The following VARS2 variants were observed in gnomAD, a reference collection of about 807,000 sequenced individuals.
The protein encoded by VARS2 is valyl-tRNA synthetase 2, mitochondrial, also known as valine--tRNA ligase, mitochondrial.
VARS2 carries 105 observed loss-of-function variants against 154.1 expected under a neutral mutation model. The observed-to-expected ratio is 0.68, with a 90% CI of 0.58 to 0.80. The LOEUF is 0.80. Among genes scored for constraint, VARS2 ranks in the 30% least tolerant of loss-of-function variants. The pLI, the probability that VARS2 is intolerant of heterozygous loss-of-function variation, is 0.00. For missense variants in VARS2, 1,157 were observed against 1,361.4 expected (o/e 0.85, Z 2.36); for synonymous variants, 483 against 539.5 (o/e 0.90, Z 1.45).
Position 30,922,754 on chromosome 6 carries a change from G to A in VARS2, c.2086G>A (p.Ala696Thr). Residue 696 changes from alanine (A) to threonine (T), a missense_variant, in exon 22 of 30, where the codon GCC becomes ACC. Ala to Thr is a moderately conservative substitution (Grantham distance 58). Transcript: ENST00000676266. ...RSGNLDPAEL[A>T]IVAAAQKKDF... is the part of the protein sequence containing the mutation. ...CGGAAATTTGGACCCTGCAGAGCTGGCCATTGTGGCTGCAGCACAGGTGAG... is the reference window on the plus strand; with the variant it reads ...CGGAAATTTGGACCCTGCAGAGCTGACCATTGTGGCTGCAGCACAGGTGAG... 6.2e-7 allele frequency: 1 copy of A among 1,612,176 alleles called. No homozygotes were observed. Among genetic ancestry groups the A allele is most frequent in the Non-Finnish European group, 8.5e-7 (1 of 1,179,482 alleles).
chr6:30,925,506 A>T, intron 27 of VARS2, 38 bp from the exon 28 acceptor site: 2 of 1,557,736 alleles, frequency 1.3e-6, no homozygotes, highest in Non-Finnish European at 8.7e-7. Flanking sequence ...GGGAGGCAGG[A>T]GCTGAGGCCT....
intron 25 of VARS2, 30 bp from the exon 26 acceptor site, chr6:30,924,324 C>G: frequency 6.2e-7 from 1 of 1,609,354 alleles, no homozygotes; most frequent in Non-Finnish European, 8.5e-7. Flanking sequence ...GGCCCTGGAC[C>G]TGTCCTCTGA....
intron 29 of VARS2, 25 bp from the exon 30 acceptor site, chr6:30,926,084 C>G: frequency 6.2e-7 from 1 of 1,613,054 alleles, no homozygotes; most frequent in Non-Finnish European, 8.5e-7. Context: ...TTCCTGGATC[C>G]TCACCTCCTT....
Position 30,921,376 on chromosome 6 carries a change from A to G in VARS2, c.1632+71A>G. Reference sequence around the variant, plus strand: ...CCTAGCCCAGGAGTCAGAGCTCCGCAGGGCCAAGTCCCGCTCCTGCCTGGT... The same window carrying G: ...CCTAGCCCAGGAGTCAGAGCTCCGCGGGGCCAAGTCCCGCTCCTGCCTGGT... On this transcript the variant is annotated intron_variant, in intron 17 of 29. Transcript: ENST00000676266. This position sits in a 1 kb window ranked among gnomAD's most constrained non-coding sequence, Gnocchi z 4.6. The G allele has an allele frequency of 6.3e-7, 1 of 1,583,570 alleles. No homozygotes were observed. Among genetic ancestry groups the G allele is most frequent in the Non-Finnish European group, 8.7e-7 (1 of 1,154,426 alleles).
At position 30,915,003 on chromosome 6, in the gene VARS2, C is replaced by T; in HGVS notation, c.167C>T (p.Ala56Val). The T allele has an allele frequency of 6.2e-7, 1 of 1,613,516 alleles. No homozygotes were observed. The change falls in exon 2 of 30, where the codon GCG becomes GTG. Residue 56 changes from alanine to valine, a missense_variant. Physicochemically the swap from Ala to Val is moderately conservative, Grantham distance 64. Coordinates refer to ENST00000676266, the MANE Select transcript of VARS2 (RefSeq NM_020442.6). ...CAGAAGCGCCTGCGAGAGAAGCAGG[C>T]GACTCTGGAGGCTGAGATAGCAGGG... ...AKQKRLREKQ[A>V]TLEAEIAGES...
In VARS2 at chr6:30,915,412, A is replaced by T. The variant is rs1267698090; in HGVS notation, c.341A>T (p.Tyr114Phe). Residue 114 changes from tyrosine (Y) to phenylalanine (F), a missense_variant, in exon 4 of 30, where the codon TAC becomes TTC. Transcript: ENST00000676266. Reference sequence around the variant, plus strand: ...CCCCGATATGTTGAGGCTGCCTGGTACCCGTGGTGGGTACGAGAGGGCTTC... The same window carrying T: ...CCCCGATATGTTGAGGCTGCCTGGTTCCCGTGGTGGGTACGAGAGGGCTTC... Reference protein sequence around the residue: ...YSPRYVEAAWYPWWVREGFFK... With the variant: ...YSPRYVEAAWFPWWVREGFFK... 6.2e-7 allele frequency: 1 copy of T among 1,614,140 alleles called. No homozygotes were observed. The highest frequency in any genetic ancestry group is 1.7e-5 in the Admixed American group (1 of 60,020).
In VARS2 at chr6:30,925,703, T is replaced by A. The variant is rs1210796992; in HGVS notation, c.2945T>A (p.Val982Asp). ...GCTCCACTCAGTGACACGGCTCAAG[T>A]CTACATGGAGCTGCAGGTGACCAGA... ...AQAPLSDTAQ[V>D]YMELQGLVDP... is the part of the protein sequence containing the mutation. The change falls in exon 28 of 30, where the codon GTC becomes GAC. Residue 982 changes from valine to aspartate, a missense_variant. Physicochemically the swap from Val to Asp is radical, Grantham distance 152. Coordinates refer to ENST00000676266, the MANE Select transcript of VARS2 (RefSeq NM_020442.6). The A allele has an allele frequency of 1.9e-6, 3 of 1,610,956 alleles. No homozygotes were observed. Among genetic ancestry groups the A allele is most frequent in the East Asian group, 4.5e-5 (2 of 44,842 alleles).
chr6:30,917,165 C>A lies in VARS2; in HGVS notation c.814C>A (p.Arg272=), dbSNP rs201492601. 2 of 1,614,158 alleles carry A rather than the reference C, an allele frequency of 1.2e-6. No individual in the cohort carries two copies. Residue 272 remains arginine (R), a synonymous_variant, in exon 9 of 30, where the codon CGG becomes AGG. Coordinates refer to ENST00000676266, the MANE Select transcript of VARS2 (RefSeq NM_020442.6). This position sits in a 1 kb window ranked among gnomAD's most constrained non-coding sequence, Gnocchi z 4.4. Reference sequence around the variant, plus strand: ...GCTCTACAAGGCGGGGTTGCTGTACCGGAACCATCAGCTTGTCAACTGGTC... The same window carrying A: ...GCTCTACAAGGCGGGGTTGCTGTACAGGAACCATCAGCTTGTCAACTGGTC... ...VRLYKAGLLY[R]NHQLVNWSCA...
chr6:30,919,746 C>T lies in VARS2; in HGVS notation c.1075-12C>T. ...CAGGTGCCTGTCCTTGATCCCTCTC[C>T]CTTCCCTTCAGCATCTACACGGGCG... is the stretch of plus-strand genomic sequence containing the variant. On this transcript the variant is annotated splice_polypyrimidine_tract_variant and intron_variant, in intron 11 of 29. Coordinates refer to ENST00000676266, the MANE Select transcript of VARS2 (RefSeq NM_020442.6). This position sits in a 1 kb window ranked among gnomAD's most constrained non-coding sequence, Gnocchi z 4.5. 1 of 1,551,472 alleles carries T rather than the reference C, an allele frequency of 6.4e-7. No individual in the cohort carries two copies. The highest frequency in any genetic ancestry group is 8.7e-7 in the Non-Finnish European group (1 of 1,143,984).
At chr6:30,923,587 G>A in intron 25 of VARS2, 82 bp downstream of exon 25, 5 of 1,537,302 alleles carry the variant, frequency 3.3e-6, no homozygotes, top group Middle Eastern at 1.7e-4. Context: ...GAGCTCTGGA[G>A]TTAATAAGTT....
rs1040088392 is a variant in VARS2 at position 30,925,198 on chromosome 6, G to A, written c.2674-76G>A. The A allele has an allele frequency of 2.2e-5, 24 of 1,115,942 alleles. No homozygotes were observed. In the African/African-American group the frequency reaches 2.8e-4, roughly 13 times the overall value. 69.1% of individuals were successfully genotyped at this position (1,115,942 alleles called of 1,614,324 possible). ...CCTAAGGAGATGGGGTGGATGGGTC[G>A]AGAAGAGAGCCAGCAGGGTTGGTAC... is the stretch of plus-strand genomic sequence containing the variant. On this transcript the variant is annotated intron_variant, in intron 26 of 29. Transcript: ENST00000676266.
chr6:30,922,806 C>G (rs1450898567), intron 22 of VARS2, 32 bp downstream of exon 22: 2 of 1,593,762 alleles, frequency 1.3e-6, no homozygotes. Flanking sequence ...CCCACCAGCT[C>G]TAGCTCACCA....
chr6:30,915,132 G>A (rs981416970), intron 2 of VARS2, 24 bp from the exon 3 acceptor site: 1 of 1,613,454 alleles, frequency 6.2e-7, no homozygotes, highest in Non-Finnish European at 8.5e-7. Flanking sequence ...CTGGATCCCA[G>A]CCTCTTCTGC....
chr6:30,916,489 T>G lies in VARS2; in HGVS notation c.671+240T>G. The stretch of plus-strand genomic sequence containing the variant: ...GTGTGTGTGTGTGTATTTATATATA[T>G]ATATATATTTTCTTTCTCTTTACTT... On this transcript the variant is annotated intron_variant, in intron 7 of 29. Transcript: ENST00000676266. This position sits in a 1 kb window ranked among gnomAD's most constrained non-coding sequence, Gnocchi z 4.0. The G allele has an allele frequency of 3.1e-6, 1 of 319,114 alleles. No homozygotes were observed. The highest frequency in any genetic ancestry group is 5.5e-6 in the Non-Finnish European group (1 of 182,432). 19.8% of individuals were successfully genotyped at this position (319,114 alleles called of 1,614,324 possible).
chr6:30,917,869 T>C lies in VARS2; in HGVS notation c.985+63T>C. The C allele has an allele frequency of 6.1e-6, 9 of 1,486,494 alleles. No homozygotes were observed. The highest frequency in any genetic ancestry group is 8.3e-6 in the Non-Finnish European group (9 of 1,088,826). The allele number at this position is 1,486,494 out of a possible 1,614,324, so 92.1% of individuals were successfully genotyped here. A position where few individuals can be genotyped will look rare whatever the true frequency, so the allele number is the denominator to read the frequency against. On this transcript the variant is annotated intron_variant, in intron 10 of 29. Coordinates refer to ENST00000676266, the MANE Select transcript of VARS2 (RefSeq NM_020442.6). This position sits in a 1 kb window ranked among gnomAD's most constrained non-coding sequence, Gnocchi z 4.4. ...CATTTTTCCTGTTTTCTGAAGCCCA[T>C]GTTGGGCTGCTAGGAACCCATCAGT...
rs1289530120 is a variant in VARS2, at chr6:30,917,328, T to C, written c.873+104T>C. 1.3e-6 allele frequency: 2 copies of C among 1,566,146 alleles called. No homozygotes were observed. Among genetic ancestry groups the C allele is most frequent in the Non-Finnish European group, 1.8e-6 (2 of 1,141,806 alleles). On this transcript the variant is annotated intron_variant, in intron 9 of 29. Coordinates refer to ENST00000676266, the MANE Select transcript of VARS2 (RefSeq NM_020442.6). The surrounding 1 kb of genome is among the most constrained non-coding windows in gnomAD (Gnocchi z 4.4). ...CCAGGGTGCCTGGATTCAAATCTGA[T>C]GCCTGCCTGTTACAGCTGTGTGGCT...
At position 30,919,159 on chromosome 6, in the gene VARS2, C is replaced by A; in HGVS notation, c.1074+244C>A. 2.2e-6 allele frequency: 1 copy of A among 461,806 alleles called. No individual in the cohort carries two copies. Among genetic ancestry groups the A allele is most frequent in the Non-Finnish European group, 3.9e-6 (1 of 254,400 alleles). The allele number at this position is 461,806 out of a possible 1,614,324, so 28.6% of individuals were successfully genotyped here. ...TTTGAGACAGAGTCTCGCTCTGTCACCAAGGCTGGAGGGCAGTGGTGTGAT... is the reference window on the plus strand; with the variant it reads ...TTTGAGACAGAGTCTCGCTCTGTCAACAAGGCTGGAGGGCAGTGGTGTGAT... On this transcript the variant is annotated intron_variant, in intron 11 of 29. Transcript: ENST00000676266. The surrounding 1 kb of genome is among the most constrained non-coding windows in gnomAD (Gnocchi z 4.5).
chr6:30,924,510 C>T lies in VARS2; in HGVS notation c.2623C>T (p.Pro875Ser). The change falls in exon 26 of 30, where the codon CCC (proline) becomes TCC (serine). Residue 875 changes from proline (P) to serine (S), a missense_variant. Physicochemically the swap from Pro to Ser is moderately conservative, Grantham distance 74. Coordinates refer to ENST00000676266, the MANE Select transcript of VARS2 (RefSeq NM_020442.6). ...GAGGCTGCCCCCCAGGCCTGGTTGC[C>T]CCCCTGCCCCCAGCATCTCGGTTGC... ...WQRLPPRPGC[P>S]PAPSISVAPY... The T allele has an allele frequency of 1.9e-6, 3 of 1,589,822 alleles. No homozygotes were observed. The highest frequency in any genetic ancestry group is 2.6e-6 in the Non-Finnish European group (3 of 1,164,056).
chr6:30,914,436 C>T (rs1310514403), intron 1 of VARS2, 92 bp downstream of exon 1: 1 of 1,271,708 alleles, frequency 7.9e-7, no homozygotes, highest in Non-Finnish European at 9.9e-7. Context: ...TTGGCCGCGC[C>T]GGGCTGTGGG....
Sources: gnomAD v4.1 joint callset for allele counts on GRCh38, gnomAD v4.1.1 for gene constraint, Gnocchi (gnomAD v3.1) non-coding constraint, MANE v1.5 for transcripts, NCBI Gene and HGNC (gene_info 2026-07-23, HGNC 2026-07-21) for gene names.